The following GRB10 variants were observed in gnomAD, a reference collection of about 807,000 sequenced individuals.
GRB10 encodes the protein growth factor receptor bound protein 10.
Under a neutral mutation model 80.9 loss-of-function variants are expected in GRB10, and 20 were observed. The observed-to-expected ratio is 0.25, with a 90% CI of 0.17 to 0.36. The LOEUF is 0.36. Ranked by LOEUF, GRB10 falls within the 10% of genes least tolerant of loss-of-function variation. The pLI is 1.00. For synonymous variants in GRB10, 291 were observed against 291.5 expected, an observed-to-expected ratio of 1.00 and a Z score of 0.02; for missense variants, 548 against 747.7, an observed-to-expected ratio of 0.73 and a Z score of 3.12.
At chr7:50,594,332 C>T (rs1454359727) in intron 18 of GRB10, among the ~76,000 whole-genome samples, 8 of 152,182 alleles carry the variant, frequency 5.3e-5, no homozygotes, top group Admixed American at 2.6e-4. Flanking sequence ...CACTGCCTTC[C>T]CCTGGCTCAC....
At chr7:50,724,987 T>A (rs1218731114) in intron 4 of GRB10, among the ~76,000 whole-genome samples, 1 of 152,174 alleles carries the variant, frequency 6.6e-6, no homozygotes, top group Non-Finnish European at 1.5e-5. Flanking sequence ...TGCGTGCGCT[T>A]GATACTGCCA....
At chr7:50,678,747 G>A (rs1374419957) in intron 5 of GRB10, among the ~76,000 whole-genome samples, 1 of 152,018 alleles carries the variant, frequency 6.6e-6, no homozygotes, top group African/African-American at 2.4e-5. Context: ...CGTTTATTCT[G>A]TCAGCTGGTC....
intron 1 of GRB10, among the ~76,000 whole-genome samples, chr7:50,788,265 A>C (rs2078775410): frequency 6.6e-6 from 1 of 152,206 alleles, no homozygotes; most frequent in Non-Finnish European, 1.5e-5. Context: ...AAGTAAACTA[A>C]AGGCCCTGCA....
At chr7:50,725,296 C>T (rs960910412) in intron 4 of GRB10, among the ~76,000 whole-genome samples, 3 of 152,206 alleles carry the variant, frequency 2.0e-5, no homozygotes, top group East Asian at 1.9e-4. Flanking sequence ...GCTCCAGCCA[C>T]GTAAGACTTG....
chr7:50,676,187 G>A (rs1475205097), intron 5 of GRB10, among the ~76,000 whole-genome samples: 2 of 152,064 alleles, frequency 1.3e-5, no homozygotes, highest in Non-Finnish European at 2.9e-5. Flanking sequence ...GGCTACATTG[G>A]TAGGAAGGAA....
chr7:50,673,494 C>T (rs914259097), intron 6 of GRB10, among the ~76,000 whole-genome samples: 3 of 152,176 alleles, frequency 2.0e-5, no homozygotes, highest in Non-Finnish European at 4.4e-5. Context: ...CCTCCACACA[C>T]TCTCTGTCTC....
chr7:50,723,338 C>A (rs2068057134), intron 4 of GRB10, among the ~76,000 whole-genome samples: 1 of 152,120 alleles, frequency 6.6e-6, no homozygotes, highest in Admixed American at 6.5e-5. Flanking sequence ...TCCTTTAAGC[C>A]CCGGCTATGT....
intron 8 of GRB10, among the ~76,000 whole-genome samples, chr7:50,623,061 C>T (rs1487326847): frequency 6.6e-6 from 1 of 152,216 alleles, no homozygotes; most frequent in Non-Finnish European, 1.5e-5. Flanking sequence ...TAAGGTGAAC[C>T]TTCCAGAGAC....
At chr7:50,605,978 C>G (rs1032404213) in intron 14 of GRB10, among the ~76,000 whole-genome samples, 1 of 152,166 alleles carries the variant, frequency 6.6e-6, no homozygotes, top group Non-Finnish European at 1.5e-5. Context: ...CGTTAATAGT[C>G]AACAGTTCCC....
intron 5 of GRB10, among the ~76,000 whole-genome samples, chr7:50,690,754 G>C (rs2062726254): frequency 6.6e-6 from 1 of 152,254 alleles, no homozygotes; most frequent in Non-Finnish European, 1.5e-5. Context: ...GGAACAGAAA[G>C]AGTTGCTGGG....
intron 4 of GRB10, among the ~76,000 whole-genome samples, chr7:50,717,013 C>T (rs1209703765): frequency 1.3e-5 from 2 of 152,172 alleles, no homozygotes; most frequent in East Asian, 3.8e-4. Context: ...GCTATTTGGC[C>T]GGGCTGGATA....
intron 6 of GRB10, among the ~76,000 whole-genome samples, chr7:50,670,226 G>C (rs1405034630): frequency 6.6e-6 from 1 of 151,436 alleles, no homozygotes; most frequent in African/African-American, 2.4e-5. Flanking sequence ...GAGGTAGGTA[G>C]TGTATTCAAA....
chr7:50,741,665 G>C (rs1217499774), intron 3 of GRB10, among the ~76,000 whole-genome samples: 1 of 151,564 alleles, frequency 6.6e-6, no homozygotes, highest in Admixed American at 6.6e-5. Context: ...AGACAATTAG[G>C]ACAATGCACA....
intron 5 of GRB10, among the ~76,000 whole-genome samples, chr7:50,690,173 G>A (rs1182031010): frequency 6.6e-6 from 1 of 152,064 alleles, no homozygotes; most frequent in African/African-American, 2.4e-5. Flanking sequence ...GTGCATGCTT[G>A]TAGTCCCAGC....
chr7:50,683,082 CAACAGATG>C (rs1404492804), intron 5 of GRB10, among the ~76,000 whole-genome samples: 2 of 152,178 alleles, frequency 1.3e-5, no homozygotes, highest in African/African-American at 2.4e-5. Flanking sequence ...AAGTGCCCCT[CAACAGATG>C]AACAGATGAA....
chr7:50,606,444 G>A (rs769553099), intron 13 of GRB10, 30 bp from the exon 14 acceptor site: 61 of 1,567,200 alleles, frequency 3.9e-5, no homozygotes, highest in Non-Finnish European at 4.7e-5. Flanking sequence ...GTTAGTCACC[G>A]GCCCGGGAGC....
chr7:50,685,726 A>C (rs1664157187), intron 5 of GRB10, among the ~76,000 whole-genome samples: 1 of 152,194 alleles, frequency 6.6e-6, no homozygotes, highest in South Asian at 2.1e-4. Flanking sequence ...CAAGACAGTC[A>C]AGTAGAGGGC....
At chr7:50,767,928 G>A (rs2076534421) in intron 2 of GRB10, among the ~76,000 whole-genome samples, 1 of 152,188 alleles carries the variant, frequency 6.6e-6, no homozygotes, top group Admixed American at 6.5e-5. Context: ...TGAGGAAGCA[G>A]CAGAAACCCA....
chr7:50,687,673 C>T (rs1387757758), intron 5 of GRB10, among the ~76,000 whole-genome samples: 2 of 152,326 alleles, frequency 1.3e-5, no homozygotes, highest in African/African-American at 4.8e-5. Context: ...TACAAAACAA[C>T]AAATCTGCTG....
Sources: allele counts gnomAD v4.1 joint callset (sites outside exome capture counted in the v4.1 genomes callset), GRCh38; gene constraint gnomAD v4.1.1; transcripts MANE v1.5; gene names NCBI Gene and HGNC (gene_info 2026-07-23, HGNC 2026-07-21).